The following ZFAND3 variants were observed in gnomAD, a reference collection of about 807,000 sequenced individuals.
ZFAND3 encodes AN1-type zinc finger protein 3.
A neutral mutation model predicts 29.6 loss-of-function variants in ZFAND3; 10 were observed. The observed-to-expected ratio is 0.34, with a 90% CI of 0.21 to 0.57. The LOEUF is 0.57. Ranked by LOEUF, ZFAND3 falls within the 20% of genes least tolerant of loss-of-function variation. The probability of loss-of-function intolerance (pLI) is 0.86; values close to 1 mark genes in which losing one functional copy is unlikely to be tolerated. For synonymous variants in ZFAND3, 128 were observed against 112.6 expected, an observed-to-expected ratio of 1.14 and a Z score of -0.87; for missense variants, 230 against 304.5, an observed-to-expected ratio of 0.76 and a Z score of 1.82.
intron 1 of ZFAND3, among the ~76,000 whole-genome samples, chr6:37,885,084 T>A (rs1280543441): frequency 1.3e-5 from 2 of 152,218 alleles, no homozygotes; most frequent in Admixed American, 1.3e-4. Context: ...CTCTTGAATC[T>A]GTACTCAGGT....
At chr6:38,140,770 C>T (rs900028136) in intron 5 of ZFAND3, among the ~76,000 whole-genome samples, 3 of 152,190 alleles carry the variant, frequency 2.0e-5, no homozygotes, top group African/African-American at 7.2e-5. Context: ...GTTATTAATA[C>T]CTTCCACACA....
At chr6:38,060,515 T>TGCCCTTTCCCCTTCCCTTTCCCCC in intron 2 of ZFAND3, among the ~76,000 whole-genome samples, 1 of 144,032 alleles carries the variant, frequency 6.9e-6, no homozygotes, top group Non-Finnish European at 1.5e-5. Context: ...CCCCTTGCCC[T>TGCCCTTTCCCCTTCCCTTTCCCCC]GCCCTTTCCC....
intron 2 of ZFAND3, 140 bp from the exon 3 acceptor site, chr6:38,061,453 A>T: frequency 9.8e-7 from 1 of 1,018,000 alleles, no homozygotes; most frequent in Non-Finnish European, 1.4e-6. Flanking sequence ...CCAGTGTTTT[A>T]CTCCCATGGT....
chr6:38,041,401 C>A (rs1299326848), intron 2 of ZFAND3, among the ~76,000 whole-genome samples: 3 of 151,926 alleles, frequency 2.0e-5, no homozygotes, highest in Admixed American at 2.0e-4. Flanking sequence ...TGCATAATTT[C>A]TTCTGTGTTT....
chr6:37,899,529 G>A (rs961414080), intron 1 of ZFAND3, among the ~76,000 whole-genome samples: 3 of 152,224 alleles, frequency 2.0e-5, no homozygotes, highest in East Asian at 1.9e-4. Context: ...TTAATGATCC[G>A]AAGTTATTGT....
At chr6:38,081,507 T>G (rs1764661121) in intron 3 of ZFAND3, among the ~76,000 whole-genome samples, 1 of 152,168 alleles carries the variant, frequency 6.6e-6, no homozygotes, top group African/African-American at 2.4e-5. Context: ...GATACACAAC[T>G]CTGCCAAGTA....
At chr6:37,898,019 T>C (rs999845686) in intron 1 of ZFAND3, among the ~76,000 whole-genome samples, 17 of 152,226 alleles carry the variant, frequency 1.1e-4, no homozygotes, top group Non-Finnish European at 1.6e-4. Context: ...TAGTGTTATC[T>C]TTTGATGAAC....
chr6:37,950,102 TGTGCAGTCTGTTGATAATTTCTTTTGAC>T (rs2127420286), intron 2 of ZFAND3, among the ~76,000 whole-genome samples: 1 of 152,386 alleles, frequency 6.6e-6, no homozygotes, highest in East Asian at 1.9e-4. Flanking sequence ...TTTCTTTTGA[TGTGCAGTCTGTTGATAATTTCTTTTGAC>T]GTGCAGAAGC....
intron 2 of ZFAND3, among the ~76,000 whole-genome samples, chr6:38,049,958 T>TA (rs1763990744): frequency 4.8e-5 from 3 of 62,764 alleles, no homozygotes; most frequent in South Asian, 8.7e-4. Flanking sequence ...TTTTTTTTTT[T>TA]TTTTTTTTTT....
At chr6:37,987,460 A>G (rs1277358259) in intron 2 of ZFAND3, among the ~76,000 whole-genome samples, 1 of 152,232 alleles carries the variant, frequency 6.6e-6, no homozygotes, top group East Asian at 1.9e-4. Context: ...AATTATTCTG[A>G]TAAAGATGAT....
intron 2 of ZFAND3, among the ~76,000 whole-genome samples, chr6:37,985,529 C>A (rs6149538): frequency 5.2e-4 from 47 of 89,758 alleles, no homozygotes; most frequent in South Asian, 1.1e-3. Flanking sequence ...ACACACACAC[C>A]CCCACACACG....
chr6:38,057,870 T>C (rs1268050104), intron 2 of ZFAND3, among the ~76,000 whole-genome samples: 1 of 152,200 alleles, frequency 6.6e-6, no homozygotes, highest in African/African-American at 2.4e-5. Context: ...GTAGAGAATA[T>C]ATAGAGCTTC....
Position 38,153,499 on chromosome 6 carries a change from G to C in ZFAND3, c.*1110G>C. ...AGTTTAGTAAGGGAAGGCAGCATAC[G>C]TCCCAGGGACAGTGGGTTTGGATCT... is the stretch of plus-strand genomic sequence containing the variant. On this transcript the variant is annotated 3_prime_UTR_variant, in exon 6 of 6. Transcript: ENST00000287218. 1 of 985,630 alleles carries C rather than the reference G, an allele frequency of 1.0e-6. No homozygotes were observed. Among genetic ancestry groups the C allele is most frequent in the Non-Finnish European group, 1.2e-6 (1 of 830,070 alleles). The allele number at this position is 985,630 out of a possible 1,614,324, so 61.1% of individuals were successfully genotyped here.
intron 1 of ZFAND3, among the ~76,000 whole-genome samples, chr6:37,918,623 C>T (rs764756918): frequency 6.6e-6 from 1 of 152,112 alleles, no homozygotes; most frequent in Non-Finnish European, 1.5e-5. Context: ...ATGGATAAAT[C>T]AGAGCCTCTC....
chr6:38,037,823 G>A (rs1163047818), intron 2 of ZFAND3, among the ~76,000 whole-genome samples: 1 of 152,174 alleles, frequency 6.6e-6, no homozygotes, highest in Non-Finnish European at 1.5e-5. Flanking sequence ...TGTTCACCAA[G>A]TAGAAATAAC....
intron 2 of ZFAND3, among the ~76,000 whole-genome samples, chr6:37,984,430 G>A (rs1010582934): frequency 6.6e-6 from 1 of 152,194 alleles, no homozygotes; most frequent in Non-Finnish European, 1.5e-5. Flanking sequence ...TGGAATGGGG[G>A]CTCAGATGTG....
Position 38,116,630 on chromosome 6 carries a change from G to C in ZFAND3, c.420G>C (p.Thr140=), listed in dbSNP as rs760769744. The C allele has an allele frequency of 6.2e-6, 10 of 1,613,954 alleles. No homozygotes were observed. The African/African-American group carries it at 9.3e-5, about 15-fold the overall frequency. The change falls in exon 5 of 6, where the codon ACG becomes ACC. Residue 140 remains threonine (T), a synonymous_variant. Transcript: ENST00000287218. ...PVKRPRLLEN[T]ERSEETSRSK... ...AACGGCCACGACTACTTGAGAATAC[G>C]GAACGGTCCGAGGAAACCAGTCGAT...
chr6:37,971,186 T>G (rs1349254940), intron 2 of ZFAND3, among the ~76,000 whole-genome samples: 1 of 152,240 alleles, frequency 6.6e-6, no homozygotes, highest in Non-Finnish European at 1.5e-5. Flanking sequence ...GCTTTTGTAG[T>G]TCTTGTTATT....
chr6:38,141,128 G>T (rs1228027161), intron 5 of ZFAND3, among the ~76,000 whole-genome samples: 1 of 152,176 alleles, frequency 6.6e-6, no homozygotes, highest in Admixed American at 6.5e-5. Flanking sequence ...AGTTATCGTG[G>T]TGAAAACAAG....
Sources: allele counts gnomAD v4.1 joint callset (sites outside exome capture counted in the v4.1 genomes callset), GRCh38; gene constraint gnomAD v4.1.1; transcripts MANE v1.5; gene names NCBI Gene and HGNC (gene_info 2026-07-23, HGNC 2026-07-21).